ALPK1: variants seen among roughly 807,000 people sequenced by gnomAD.
The protein encoded by ALPK1 is alpha-protein kinase 1.
Under a neutral mutation model 120.6 loss-of-function variants are expected in ALPK1, and 110 were observed. The observed-to-expected ratio is 0.91, with a 90% CI of 0.78 to 1.07. The LOEUF is 1.07. Among genes scored for constraint, ALPK1 ranks in the 50% least tolerant of loss-of-function variants. The pLI, the probability that ALPK1 is intolerant of heterozygous loss-of-function variation, is 0.00. For synonymous variants in ALPK1, 582 were observed against 560.3 expected (o/e 1.04, Z -0.55); for missense variants, 1,498 against 1,483.9 (o/e 1.01, Z -0.16).
intron 2 of ALPK1, chr4:112,353,129 C>T (rs371452287): frequency 6.6e-6 from 1 of 152,048 alleles, no homozygotes; most frequent in African/African-American, 2.4e-5. Flanking sequence ...GTGTGTGCCA[C>T]CACACCTGGT....
chr4:112,369,499 T>C (rs1369294542), intron 2 of ALPK1, among the ~76,000 whole-genome samples: 1 of 152,116 alleles, frequency 6.6e-6, no homozygotes, highest in Non-Finnish European at 1.5e-5. Flanking sequence ...AGAAACAATA[T>C]GAGAAATGAG....
intron 4 of ALPK1, among the ~76,000 whole-genome samples, chr4:112,396,788 T>A (rs1732670777): frequency 6.6e-6 from 1 of 152,036 alleles, no homozygotes; most frequent in South Asian, 2.1e-4. Flanking sequence ...TCTTTTTTTA[T>A]GTTTTTGGAG....
intron 4 of ALPK1, among the ~76,000 whole-genome samples, chr4:112,403,330 C>T (rs961176658): frequency 6.6e-6 from 1 of 152,006 alleles, no homozygotes; most frequent in Non-Finnish European, 1.5e-5. Flanking sequence ...TCTCAGAGTG[C>T]TGGTAGAAAC....
intron 2 of ALPK1, among the ~76,000 whole-genome samples, chr4:112,341,563 T>C (rs1410899870): frequency 6.6e-6 from 1 of 152,192 alleles, no homozygotes; most frequent in Admixed American, 6.5e-5. Flanking sequence ...TCATTATGTC[T>C]TTTTTTAAAG....
In ALPK1 at chr4:112,430,800, A is replaced by T. The variant is rs770082742; in HGVS notation, c.1253A>T (p.His418Leu). Residue 418 changes from histidine (H) to leucine (L), a missense_variant, in exon 11 of 16, where the codon CAT becomes CTT. By Grantham distance (99) the His-to-Leu change is moderately conservative. Transcript: ENST00000650871. ...VMSVIAQVKE[H>L]LQVQSFSNVD... ...TCTGTGATTGCCCAGGTGAAGGAAC[A>T]TTTACAAGTTCAAAGCTTCTCAAAT... 6.2e-7 allele frequency: 1 copy of T among 1,614,248 alleles called. No individual in the cohort carries two copies. Among genetic ancestry groups the T allele is most frequent in the Non-Finnish European group, 8.5e-7 (1 of 1,180,034 alleles).
At chr4:112,355,997 C>T (rs1730592520) in intron 2 of ALPK1, 3 of 642,440 alleles carry the variant, frequency 4.7e-6, no homozygotes, top group Middle Eastern at 4.1e-4. Context: ...AAGAGAACAG[C>T]GTTGTGTCCC....
At chr4:112,335,922 T>C (rs956538072) in intron 2 of ALPK1, among the ~76,000 whole-genome samples, 2 of 152,176 alleles carry the variant, frequency 1.3e-5, no homozygotes, top group South Asian at 4.1e-4. Flanking sequence ...TGGGAAGTGC[T>C]TATTTTTTAT....
In ALPK1 at chr4:112,431,665, C is replaced by A. The variant is rs1282115479; in HGVS notation, c.2118C>A (p.Pro706=). The change falls in exon 11 of 16, where the codon CCC becomes CCA. Residue 706 remains proline, a synonymous_variant. Coordinates refer to ENST00000650871, the MANE Select transcript of ALPK1 (RefSeq NM_025144.4). Reference sequence around the variant, plus strand: ...TCCAGGAAGTCAGAAATATGGGACCCAGAAATACTTCTGCTCACTCCAGAC... The same window carrying A: ...TCCAGGAAGTCAGAAATATGGGACCAAGAAATACTTCTGCTCACTCCAGAC... ...EGIQEVRNMG[P]RNTSAHSRPS... The A allele has an allele frequency of 3.7e-6, 6 of 1,614,178 alleles. No individual in the cohort carries two copies. In the Admixed American group the frequency reaches 1.0e-4, roughly 27 times the overall value.
At chr4:112,412,146 A>G (rs1475152682) in intron 5 of ALPK1, 121 bp downstream of exon 5, 4 of 1,215,986 alleles carry the variant, frequency 3.3e-6, no homozygotes, top group Non-Finnish European at 4.7e-6. Context: ...CATCTTTCCG[A>G]GCCCGGGGCT....
intron 12 of ALPK1, among the ~76,000 whole-genome samples, chr4:112,437,170 C>T (rs1363523105): frequency 6.6e-6 from 1 of 152,018 alleles, no homozygotes; most frequent in Non-Finnish European, 1.5e-5. Context: ...AGACAGATTA[C>T]GTACATAGAA....
chr4:112,376,388 ATG>A (rs1015860592), intron 2 of ALPK1, among the ~76,000 whole-genome samples: 11 of 152,260 alleles, frequency 7.2e-5, no homozygotes, highest in Admixed American at 7.2e-4. Flanking sequence ...TCTGTAATGT[ATG>A]TGTGTAATGT....
chr4:112,310,103 A>G (rs1728326732), intron 1 of ALPK1, among the ~76,000 whole-genome samples: 1 of 152,136 alleles, frequency 6.6e-6, no homozygotes, highest in African/African-American at 2.4e-5. Flanking sequence ...GATTTGCTAA[A>G]TAAATAAAAT....
chr4:112,325,764 A>G (rs1052285576), intron 2 of ALPK1, among the ~76,000 whole-genome samples: 3 of 152,182 alleles, frequency 2.0e-5, no homozygotes, highest in South Asian at 4.1e-4. Context: ...GATTGCCTCC[A>G]GGGTTCACAA....
At chr4:112,331,486 A>G (rs954877132) in intron 2 of ALPK1, among the ~76,000 whole-genome samples, 9 of 152,354 alleles carry the variant, frequency 5.9e-5, no homozygotes, top group Admixed American at 6.5e-5. Context: ...CACTGTGATT[A>G]TCTTTCCTTG....
At chr4:112,323,772 G>A (rs1462792766) in intron 2 of ALPK1, among the ~76,000 whole-genome samples, 3 of 152,082 alleles carry the variant, frequency 2.0e-5, no homozygotes, top group Admixed American at 1.3e-4. Context: ...TTGCTTCTAC[G>A]CTCCTTATAA....
At chr4:112,311,507 G>C (rs972368223) in intron 1 of ALPK1, among the ~76,000 whole-genome samples, 1 of 152,126 alleles carries the variant, frequency 6.6e-6, no homozygotes, top group African/African-American at 2.4e-5. Flanking sequence ...ACCTCAGGCT[G>C]CGCACTTAAT....
intron 2 of ALPK1, among the ~76,000 whole-genome samples, chr4:112,324,167 A>T (rs1328217590): frequency 6.6e-6 from 1 of 152,116 alleles, no homozygotes; most frequent in Non-Finnish European, 1.5e-5. Context: ...CTCTACTAAA[A>T]ATACAAAAAA....
At chr4:112,324,099 G>T (rs966333494) in intron 2 of ALPK1, among the ~76,000 whole-genome samples, 3 of 152,070 alleles carry the variant, frequency 2.0e-5, no homozygotes, top group Non-Finnish European at 4.4e-5. Context: ...AGGCCAAGGC[G>T]GGCGGATCAC....
At chr4:112,438,735 T>G in intron 13 of ALPK1, 89 bp downstream of exon 13, 1 of 1,407,764 alleles carries the variant, frequency 7.1e-7, no homozygotes, top group Non-Finnish European at 9.8e-7. Context: ...ATAATCAGGC[T>G]AGCATTTTTA....
Sources: allele counts gnomAD v4.1 joint callset (sites outside exome capture counted in the v4.1 genomes callset), GRCh38; gene constraint gnomAD v4.1.1; transcripts MANE v1.5; gene names NCBI Gene and HGNC (gene_info 2026-07-23, HGNC 2026-07-21).